ERC1: variants seen among roughly 807,000 people sequenced by gnomAD.
The protein encoded by ERC1 is ELKS/RAB6-interacting/CAST family member 1.
In ERC1, 56 loss-of-function variants were observed where a neutral mutation model predicts 132.0. The ratio of observed to expected loss-of-function variants is 0.42; its 90% CI spans 0.34 to 0.53. The LOEUF (loss-of-function observed/expected upper bound fraction) is 0.53. Ranked by LOEUF, ERC1 falls within the 20% of genes least tolerant of loss-of-function variation. The probability of loss-of-function intolerance (pLI) is 0.03; values close to 1 mark genes in which losing one functional copy is unlikely to be tolerated. For synonymous variants in ERC1, 478 were observed against 476.1 expected, an observed-to-expected ratio of 1.00 and a Z score of -0.05; for missense variants, 1,202 against 1,349.9, an observed-to-expected ratio of 0.89 and a Z score of 1.72.
chr12:1,265,693 G>A (rs975925509), intron 14 of ERC1, among the ~76,000 whole-genome samples: 2 of 152,076 alleles, frequency 1.3e-5, no homozygotes, highest in African/African-American at 4.8e-5. Flanking sequence ...TAGTTGCACT[G>A]CCCTTAAAGT....
chr12:1,051,595 G>A (rs924540635), intron 2 of ERC1, among the ~76,000 whole-genome samples: 16 of 151,036 alleles, frequency 1.1e-4, no homozygotes, highest in Admixed American at 3.3e-4. Flanking sequence ...GTAGGTGCCT[G>A]CAAATCCCAG....
At chr12:1,101,363 G>A (rs969718150) in intron 3 of ERC1, among the ~76,000 whole-genome samples, 5 of 152,136 alleles carry the variant, frequency 3.3e-5, no homozygotes, top group East Asian at 1.9e-4. Context: ...ACAGTGCTGC[G>A]TGGCACAGGC....
At chr12:1,253,218 A>G (rs894926017) in intron 13 of ERC1, among the ~76,000 whole-genome samples, 14 of 152,144 alleles carry the variant, frequency 9.2e-5, no homozygotes, top group Non-Finnish European at 1.5e-4. Context: ...GAAAAAGGCA[A>G]AAGCTTAGGG....
At chr12:1,065,477 C>A (rs1413979222) in intron 2 of ERC1, among the ~76,000 whole-genome samples, 2 of 43,514 alleles carry the variant, frequency 4.6e-5, no homozygotes, top group Non-Finnish European at 1.1e-4. Flanking sequence ...TTCTTTGTAC[C>A]GTTTGTGTGT....
chr12:1,311,218 G>A (rs920438826), intron 15 of ERC1, among the ~76,000 whole-genome samples: 4 of 152,148 alleles, frequency 2.6e-5, no homozygotes, highest in Non-Finnish European at 5.9e-5. Flanking sequence ...TCACTTAATT[G>A]CACTGGCTTA....
chr12:1,232,206 A>G (rs950981461), intron 12 of ERC1, among the ~76,000 whole-genome samples: 2 of 152,024 alleles, frequency 1.3e-5, no homozygotes. Context: ...GTTTCCTTGT[A>G]TTATAGGTTG....
At chr12:1,485,414 A>G (rs537708000) in intron 18 of ERC1, among the ~76,000 whole-genome samples, 10 of 151,912 alleles carry the variant, frequency 6.6e-5, no homozygotes, top group East Asian at 3.9e-4. Context: ...CACATTGGCC[A>G]GGCTGGTCTT....
intron 1 of ERC1, among the ~76,000 whole-genome samples, chr12:1,016,369 TC>T (rs1965503115): frequency 6.6e-6 from 1 of 152,226 alleles, no homozygotes; most frequent in Non-Finnish European, 1.5e-5. Context: ...TATTTGGTGT[TC>T]CTTTGGAGAC....
chr12:991,131 G>A (rs1464314887), upstream of ERC1: 2 of 150,964 alleles, frequency 1.3e-5, no homozygotes, highest in East Asian at 2.0e-4. Flanking sequence ...GGAGGCAGCC[G>A]AGCCGGGAGC....
At chr12:1,109,549 A>C (rs1040580304) in intron 4 of ERC1, among the ~76,000 whole-genome samples, 2 of 152,120 alleles carry the variant, frequency 1.3e-5, no homozygotes, top group African/African-American at 4.8e-5. Flanking sequence ...TAATATTGGA[A>C]ATTTTTTTCA....
chr12:1,336,193 A>T (rs13378113), intron 15 of ERC1, among the ~76,000 whole-genome samples: 1,590 of 151,586 alleles, frequency 0.01, 27 homozygotes, highest in African/African-American at 0.035. Context: ...ATTTTTTTTT[A>T]AAAAATAAAC....
At chr12:1,184,900 A>G (rs750381756) in intron 11 of ERC1, among the ~76,000 whole-genome samples, 4 of 152,060 alleles carry the variant, frequency 2.6e-5, no homozygotes, top group Non-Finnish European at 4.4e-5. Flanking sequence ...CTACAGACCC[A>G]TGCCACAACA....
intron 1 of ERC1, among the ~76,000 whole-genome samples, chr12:1,009,228 G>T (rs1295494482): frequency 6.6e-6 from 1 of 151,176 alleles, no homozygotes; most frequent in Non-Finnish European, 1.5e-5. Flanking sequence ...AGGCTGGAGT[G>T]CAGCGGCACT....
rs540618005 is a variant in ERC1 at position 1,109,451 on chromosome 12, T to A, written c.1162-741T>A. 2.0e-5 allele frequency among the ~76,000 whole-genome samples: 3 copies of A among 152,308 alleles called. No homozygotes were observed. In the East Asian group the frequency reaches 5.8e-4, roughly 29 times the overall value. ...GTATAAATCTTTGAAACCCTCTTAC[T>A]TTTTTCCCCTCCTTTGGGGCATAAT... On this transcript the variant is annotated intron_variant, in intron 4 of 18. Transcript: ENST00000360905.
At chr12:1,482,567 C>T (rs960873425) in intron 18 of ERC1, among the ~76,000 whole-genome samples, 2 of 152,118 alleles carry the variant, frequency 1.3e-5, no homozygotes, top group Admixed American at 6.5e-5. Context: ...CTGCCTCAGC[C>T]TCCTGAGTAG....
At chr12:1,228,792 T>G in intron 12 of ERC1, among the ~76,000 whole-genome samples, 1 of 152,232 alleles carries the variant, frequency 6.6e-6, no homozygotes, top group East Asian at 1.9e-4. Context: ...GTGATTTTTA[T>G]CGTTCATTCT....
chr12:1,391,854 CT>C (rs2089988334), intron 16 of ERC1, among the ~76,000 whole-genome samples: 1 of 152,152 alleles, frequency 6.6e-6, no homozygotes. Flanking sequence ...TTGGCATTTC[CT>C]GGTTGTTGGC....
intron 17 of ERC1, among the ~76,000 whole-genome samples, chr12:1,436,169 C>T (rs897009685): frequency 4.6e-5 from 7 of 152,066 alleles, no homozygotes; most frequent in African/African-American, 2.4e-5. Flanking sequence ...CACACACACA[C>T]ACACACACAC....
intron 13 of ERC1, among the ~76,000 whole-genome samples, chr12:1,246,529 AAGTT>A (rs1171446988): frequency 1.3e-5 from 2 of 152,208 alleles, no homozygotes; most frequent in Non-Finnish European, 2.9e-5. Context: ...ATGGTTGTGA[AAGTT>A]AGTGTGTGAA....
Sources: gnomAD v4.1 joint callset for allele counts (sites outside exome capture counted in the v4.1 genomes callset) on GRCh38, gnomAD v4.1.1 for gene constraint, MANE v1.5 for transcripts, NCBI Gene and HGNC (gene_info 2026-07-23, HGNC 2026-07-21) for gene names.